SLC39A11: variants seen among roughly 807,000 people sequenced by gnomAD.
SLC39A11 encodes solute carrier family 39 member 11.
Under a neutral mutation model 36.1 loss-of-function variants are expected in SLC39A11, and 33 were observed. The ratio of observed to expected loss-of-function variants is 0.91; its 90% confidence interval spans 0.69 to 1.22. The LOEUF (loss-of-function observed/expected upper bound fraction) is 1.22. Ranked by LOEUF, SLC39A11 falls within the 50% of genes most tolerant of loss-of-function variation. The pLI, the probability that SLC39A11 is intolerant of heterozygous loss-of-function variation, is 0.00. For missense variants in SLC39A11, 432 were observed against 430.3 expected (o/e 1.00, Z -0.03); for synonymous variants, 166 against 170.3 (o/e 0.97, Z 0.20).
intron 5 of SLC39A11, among the ~76,000 whole-genome samples, chr17:72,912,820 C>G (rs112291491): frequency 4.6e-5 from 7 of 152,158 alleles, no homozygotes; most frequent in African/African-American, 1.7e-4. Flanking sequence ...CCCAGCCCTA[C>G]TTGCTCATCT....
intron 6 of SLC39A11, among the ~76,000 whole-genome samples, chr17:72,795,155 T>C (rs2076855463): frequency 6.6e-6 from 1 of 152,142 alleles, no homozygotes; most frequent in African/African-American, 2.4e-5. Flanking sequence ...ATACCAATAA[T>C]CCTGTATGGT....
At chr17:72,917,113 G>A (rs945375973) in intron 5 of SLC39A11, among the ~76,000 whole-genome samples, 2 of 152,148 alleles carry the variant, frequency 1.3e-5, no homozygotes, top group African/African-American at 4.8e-5. Context: ...GGAAGAATAG[G>A]TCCACATTCC....
At chr17:72,998,499 T>C (rs1038510637) in intron 4 of SLC39A11, among the ~76,000 whole-genome samples, 3 of 152,222 alleles carry the variant, frequency 2.0e-5, no homozygotes, top group African/African-American at 7.2e-5. Context: ...ATTGCTTGTT[T>C]ATATAATTAC....
chr17:72,874,030 G>T (rs1276000485), intron 5 of SLC39A11, among the ~76,000 whole-genome samples: 1 of 152,146 alleles, frequency 6.6e-6, no homozygotes, highest in South Asian at 2.1e-4. Flanking sequence ...GCCTCCCCAG[G>T]CACGCTGAAC....
rs186062738 is a variant in SLC39A11 at position 72,767,834 on chromosome 17, G to A, written c.602-31115C>T. Among the ~76,000 whole-genome samples the A allele has an allele frequency of 3.9e-5, 6 of 152,126 alleles. No individual in the cohort carries two copies. The East Asian group carries it at 9.6e-4, about 24-fold the overall frequency. The stretch of plus-strand genomic sequence containing the variant: ...CAGGGGTTACAAAGAAAGACCTGCT[G>A]TACAAAGAAAGACCAAAGCATTGGA... On this transcript the variant is annotated intron_variant, in intron 6 of 9. Coordinates refer to ENST00000255559, the MANE Select transcript of SLC39A11 (RefSeq NM_139177.4).
chr17:72,811,719 TG>T (rs1259664544), intron 6 of SLC39A11, among the ~76,000 whole-genome samples: 4 of 152,242 alleles, frequency 2.6e-5, no homozygotes, highest in Admixed American at 2.6e-4. Flanking sequence ...TTTGTCCACT[TG>T]GGAAAAGTTT....
At chr17:72,990,196 C>T (rs891505434) in intron 4 of SLC39A11, among the ~76,000 whole-genome samples, 1 of 152,194 alleles carries the variant, frequency 6.6e-6, no homozygotes, top group Admixed American at 6.5e-5. Context: ...CAAACCGATG[C>T]AGAGCCTTGA....
chr17:72,675,352 C>T (rs1264408437), intron 7 of SLC39A11, among the ~76,000 whole-genome samples: 3 of 152,190 alleles, frequency 2.0e-5, no homozygotes, highest in African/African-American at 7.2e-5. Context: ...CAAGTGGGTC[C>T]TCACGGGCAC....
intron 6 of SLC39A11, among the ~76,000 whole-genome samples, chr17:72,838,324 G>A (rs973096783): frequency 6.6e-6 from 1 of 151,698 alleles, no homozygotes; most frequent in Non-Finnish European, 1.5e-5. Context: ...GACCTCCAGG[G>A]TTCAAGCAAT....
At chr17:72,689,701 C>T (rs1455223920) in intron 7 of SLC39A11, among the ~76,000 whole-genome samples, 1 of 152,148 alleles carries the variant, frequency 6.6e-6, no homozygotes, top group African/African-American at 2.4e-5. Context: ...CGAACGGTCA[C>T]ATATTGTACG....
intron 7 of SLC39A11, among the ~76,000 whole-genome samples, chr17:72,728,398 C>T (rs546449786): frequency 6.6e-6 from 1 of 152,088 alleles, no homozygotes; most frequent in African/African-American, 2.4e-5. Context: ...GCCATGATTG[C>T]ACCACTGCAC....
intron 7 of SLC39A11, among the ~76,000 whole-genome samples, chr17:72,712,513 A>G (rs1249929249): frequency 1.3e-5 from 2 of 152,230 alleles, no homozygotes; most frequent in Non-Finnish European, 2.9e-5. Flanking sequence ...GGCAATATGG[A>G]GAGAACACTT....
chr17:72,876,551 C>G (rs1490457147), intron 5 of SLC39A11, among the ~76,000 whole-genome samples: 1 of 152,054 alleles, frequency 6.6e-6, no homozygotes, highest in African/African-American at 2.4e-5. Flanking sequence ...ATCTGAGTTC[C>G]TTTCTCAGAA....
At chr17:72,938,016 T>G (rs971817523) in intron 5 of SLC39A11, among the ~76,000 whole-genome samples, 6 of 152,218 alleles carry the variant, frequency 3.9e-5, no homozygotes, top group African/African-American at 1.4e-4. Context: ...TGGGAGTTGC[T>G]GGCAAATCCC....
chr17:73,079,723 T>C (rs1165861318), intron 3 of SLC39A11, among the ~76,000 whole-genome samples: 2 of 152,202 alleles, frequency 1.3e-5, no homozygotes, highest in East Asian at 3.8e-4. Flanking sequence ...TTGCCGACGA[T>C]ATGATCGTAT....
chr17:72,921,083 C>T (rs879515841), intron 5 of SLC39A11, among the ~76,000 whole-genome samples: 1 of 152,142 alleles, frequency 6.6e-6, no homozygotes, highest in Non-Finnish European at 1.5e-5. Flanking sequence ...GATAGGCTGG[C>T]TACTACAGTA....
At chr17:72,899,619 A>G (rs2082215750) in intron 5 of SLC39A11, among the ~76,000 whole-genome samples, 1 of 152,210 alleles carries the variant, frequency 6.6e-6, no homozygotes. Flanking sequence ...AACTGGGGAA[A>G]GGAGACAGCA....
At chr17:72,687,310 C>T (rs534328358) in intron 7 of SLC39A11, among the ~76,000 whole-genome samples, 4 of 152,088 alleles carry the variant, frequency 2.6e-5, no homozygotes, top group African/African-American at 7.2e-5. Flanking sequence ...GGCTGGAGTG[C>T]GATGGTGCGA....
At chr17:72,683,407 C>T (rs1375115004) in intron 7 of SLC39A11, among the ~76,000 whole-genome samples, 2 of 150,352 alleles carry the variant, frequency 1.3e-5, no homozygotes, top group Non-Finnish European at 1.5e-5. Flanking sequence ...ACAGTCACGG[C>T]TCACTGCAGC....
Sources: allele counts gnomAD v4.1 joint callset (sites outside exome capture counted in the v4.1 genomes callset), GRCh38; gene constraint gnomAD v4.1.1; transcripts MANE v1.5; gene names NCBI Gene and HGNC (gene_info 2026-07-23, HGNC 2026-07-21).